DPP10: variants seen among roughly 807,000 people sequenced by gnomAD.
The protein encoded by DPP10 is dipeptidyl peptidase like 10.
Under a neutral mutation model 120.9 loss-of-function variants are expected in DPP10, and 33 were observed. The ratio of observed to expected loss-of-function variants is 0.27; its 90% confidence interval spans 0.21 to 0.37. DPP10 has a LOEUF of 0.37. Among genes scored for constraint, DPP10 ranks in the 10% least tolerant of loss-of-function variants. DPP10 has a pLI of 1.00. For synonymous variants in DPP10, 337 were observed against 326.1 expected, an observed-to-expected ratio of 1.03 and a Z score of -0.36; for missense variants, 816 against 942.8, an observed-to-expected ratio of 0.87 and a Z score of 1.76.
chr2:114,822,308 C>A (rs1431488730), intron 1 of DPP10, among the ~76,000 whole-genome samples: 1 of 152,180 alleles, frequency 6.6e-6, no homozygotes, highest in Admixed American at 6.5e-5. Context: ...CAATCTGTAC[C>A]TTGGCCCCTT....
At chr2:114,818,124 A>AAGAG (rs148498092) in intron 1 of DPP10, among the ~76,000 whole-genome samples, 2 of 151,270 alleles carry the variant, frequency 1.3e-5, no homozygotes, top group Non-Finnish European at 1.5e-5. Flanking sequence ...ACTGCCCAAA[A>AAGAG]AGAGAGAGAG....
intron 3 of DPP10, among the ~76,000 whole-genome samples, chr2:115,357,196 T>C (rs567245486): frequency 3.3e-5 from 5 of 152,330 alleles, no homozygotes; most frequent in Admixed American, 2.0e-4. Flanking sequence ...AATAGCCTAA[T>C]GGATAATGGT....
chr2:115,823,827 T>C (rs1308429039), intron 21 of DPP10, among the ~76,000 whole-genome samples: 2 of 152,182 alleles, frequency 1.3e-5, no homozygotes, highest in Admixed American at 6.5e-5. Flanking sequence ...AAGTCTTCCT[T>C]GTAAGATTCT....
intron 3 of DPP10, among the ~76,000 whole-genome samples, chr2:115,396,055 C>T (rs2067656555): frequency 6.6e-6 from 1 of 152,064 alleles, no homozygotes; most frequent in Admixed American, 6.6e-5. Context: ...CTTTATAACC[C>T]TCTAGACTGC....
intron 1 of DPP10, among the ~76,000 whole-genome samples, chr2:114,878,052 C>CA (rs908501925): frequency 3.3e-5 from 5 of 151,118 alleles, no homozygotes; most frequent in Non-Finnish European, 5.9e-5. Flanking sequence ...ATGACATTAC[C>CA]AAAAAAAACT....
intron 1 of DPP10, among the ~76,000 whole-genome samples, chr2:114,825,781 G>A (rs924267425): frequency 6.6e-6 from 1 of 152,146 alleles, no homozygotes; most frequent in Non-Finnish European, 1.5e-5. Context: ...AGTATAGAGT[G>A]GCTAGTATGA....
At chr2:115,626,100 T>G (rs1294467381) in intron 5 of DPP10, among the ~76,000 whole-genome samples, 1 of 149,594 alleles carries the variant, frequency 6.7e-6, no homozygotes, top group Non-Finnish European at 1.5e-5. Context: ...CTCTGTAGAG[T>G]AGGTGAAAAT....
chr2:115,225,602 T>A (rs1172410131), intron 1 of DPP10, among the ~76,000 whole-genome samples: 2 of 151,894 alleles, frequency 1.3e-5, no homozygotes, highest in African/African-American at 4.8e-5. Context: ...TATGGGTAGT[T>A]AGGAATTAGA....
intron 1 of DPP10, among the ~76,000 whole-genome samples, chr2:114,533,876 C>A (rs1377517969): frequency 6.6e-6 from 1 of 152,180 alleles, no homozygotes; most frequent in Non-Finnish European, 1.5e-5. Context: ...ATTGTGATTT[C>A]ACTGTGCTGG....
intron 1 of DPP10, among the ~76,000 whole-genome samples, chr2:115,004,659 T>C (rs1283010555): frequency 1.3e-5 from 2 of 152,030 alleles, no homozygotes; most frequent in Non-Finnish European, 1.5e-5. Flanking sequence ...CACTTTTCCG[T>C]TGGGCTTAAA....
chr2:115,416,204 T>C (rs2069415827), intron 3 of DPP10, among the ~76,000 whole-genome samples: 1 of 152,090 alleles, frequency 6.6e-6, no homozygotes, highest in Admixed American at 6.6e-5. Context: ...ACATTTTTCT[T>C]AGCCAAGTCA....
Position 115,765,153 on chromosome 2 carries a change from C to T in DPP10, c.1113+2543C>T, listed in dbSNP as rs139463687. Among the ~76,000 whole-genome samples the T allele has an allele frequency of 7.6e-4, 115 of 152,086 alleles. 3 individuals carry two copies. In the East Asian group the frequency reaches 0.015, roughly 20 times the overall value. On this transcript the variant is annotated intron_variant, in intron 12 of 25. Transcript: ENST00000410059. ...AGTGTTGGGGGCAGATTTTTTAGTC[C>T]AGCAAGGCATATGAGATTGTAGCCC...
rs139788840 is a variant in DPP10 at position 115,664,961 on chromosome 2, G to T, written c.442-24726G>T. ...TAGCCATGTCTCAAGTGCTCTAGTCGCCTATGGCTATGGCTACGATATAGG... is the reference window on the plus strand; with the variant it reads ...TAGCCATGTCTCAAGTGCTCTAGTCTCCTATGGCTATGGCTACGATATAGG... On this transcript the variant is annotated intron_variant, in intron 5 of 25. Coordinates refer to ENST00000410059, the MANE Select transcript of DPP10 (RefSeq NM_020868.6). Among the ~76,000 whole-genome samples, 11 of 152,156 alleles carry T rather than the reference G, an allele frequency of 7.2e-5. No homozygotes were observed. In the East Asian group the frequency reaches 1.5e-3, roughly 21 times the overall value.
chr2:114,583,382 G>T (rs910147912), intron 1 of DPP10, among the ~76,000 whole-genome samples: 3 of 152,126 alleles, frequency 2.0e-5, no homozygotes, highest in African/African-American at 7.2e-5. Context: ...ACTCAACTTA[G>T]CTATTATCCT....
At position 115,521,563 on chromosome 2, in the gene DPP10, T is replaced by G. The variant is rs193142846; in HGVS notation, c.367-4335T>G. Among the ~76,000 whole-genome samples the G allele has an allele frequency of 3.0e-4, 46 of 152,224 alleles. No homozygotes were observed. The East Asian group carries it at 8.1e-3, about 27-fold the overall frequency. On this transcript the variant is annotated intron_variant, in intron 4 of 25. Coordinates refer to ENST00000410059, the MANE Select transcript of DPP10 (RefSeq NM_020868.6). ...TAAAAACTTGAAAACCTGGAGTTAT[T>G]CTGTATACTTTCTTCTTTCTCCATC...
At chr2:115,404,986 A>G (rs1195720135) in intron 3 of DPP10, among the ~76,000 whole-genome samples, 1 of 152,162 alleles carries the variant, frequency 6.6e-6, no homozygotes, top group Non-Finnish European at 1.5e-5. Context: ...TTCAAATCAC[A>G]GCATTCTATC....
At chr2:115,161,819 C>T in intron 1 of DPP10, 2 of 798,774 alleles carry the variant, frequency 2.5e-6, no homozygotes, top group South Asian at 2.8e-5. Context: ...CCCCTCCCCG[C>T]CCCTCCGCTC....
intron 1 of DPP10, among the ~76,000 whole-genome samples, chr2:114,931,529 G>A (rs9679309): frequency 2.0e-5 from 3 of 152,062 alleles, no homozygotes; most frequent in African/African-American, 4.8e-5. Context: ...TGGGGTGTCC[G>A]CCCCAATGAC....
At chr2:115,284,967 T>C (rs1442889543) in intron 1 of DPP10, among the ~76,000 whole-genome samples, 1 of 152,086 alleles carries the variant, frequency 6.6e-6, no homozygotes, top group Non-Finnish European at 1.5e-5. Flanking sequence ...ATCTAAGATA[T>C]GGATGTGTAG....
Sources: allele counts gnomAD v4.1 joint callset (sites outside exome capture counted in the v4.1 genomes callset), GRCh38; gene constraint gnomAD v4.1.1; transcripts MANE v1.5; gene names NCBI Gene and HGNC (gene_info 2026-07-23, HGNC 2026-07-21).